Variants in SCUBE2 observed in about 807,000 individuals in gnomAD.
SCUBE2 encodes signal peptide, CUB and EGF-like domain-containing protein 2.
In SCUBE2, 114 loss-of-function variants were observed where a neutral mutation model predicts 125.9. The ratio of observed to expected loss-of-function variants is 0.91; its 90% CI spans 0.78 to 1.06. The LOEUF (loss-of-function observed/expected upper bound fraction) is 1.06, where lower values mean the gene tolerates loss of function less well. Among genes scored for constraint, SCUBE2 ranks in the 50% least tolerant of loss-of-function variants. The probability of loss-of-function intolerance (pLI) is 0.00; values close to 1 mark genes in which losing one functional copy is unlikely to be tolerated. For synonymous variants in SCUBE2, 459 were observed against 492.9 expected, an observed-to-expected ratio of 0.93 and a Z score of 0.91; for missense variants, 1,255 against 1,301.8, an observed-to-expected ratio of 0.96 and a Z score of 0.55.
In SCUBE2 at chr11:9,025,858, C is replaced by T; in HGVS notation, c.2702-4G>A. ...GTTGTCACAGAATTGGATGAAGCTG[C>T]CAAGGGAAGTTGGAGAAGGGTGGGG... On this transcript the variant is annotated splice_polypyrimidine_tract_variant and splice_region_variant and intron_variant, in intron 20 of 22. Transcript: ENST00000649792. The T allele has an allele frequency of 6.2e-7, 1 of 1,613,142 alleles. No individual in the cohort carries two copies. Among genetic ancestry groups the T allele is most frequent in the Non-Finnish European group, 8.5e-7 (1 of 1,179,480 alleles).
At chr11:9,039,003 A>C (rs756607324) in intron 16 of SCUBE2, among the ~76,000 whole-genome samples, 2 of 151,908 alleles carry the variant, frequency 1.3e-5, no homozygotes, top group Admixed American at 6.6e-5. Context: ...CTCCCACCTT[A>C]GACTCCTGAG....
At chr11:9,081,702 G>C (rs994667063) in intron 2 of SCUBE2, among the ~76,000 whole-genome samples, 6 of 151,792 alleles carry the variant, frequency 4.0e-5, no homozygotes, top group African/African-American at 1.5e-4. Flanking sequence ...ATATTATTTT[G>C]TACATAACAC....
intron 9 of SCUBE2, among the ~76,000 whole-genome samples, chr11:9,058,453 G>A (rs904956353): frequency 7.9e-5 from 12 of 151,868 alleles, no homozygotes; most frequent in Admixed American, 2.0e-4. Flanking sequence ...AAAATTAGCC[G>A]GGTGTGATGG....
intron 2 of SCUBE2, 41 bp from the exon 3 acceptor site, chr11:9,079,550 C>G: frequency 6.2e-7 from 1 of 1,602,910 alleles, no homozygotes; most frequent in Non-Finnish European, 8.5e-7. Flanking sequence ...GGTGCTATTT[C>G]TTTGATGTGA....
chr11:9,042,735 G>C (rs1335113035), intron 16 of SCUBE2, among the ~76,000 whole-genome samples: 1 of 152,100 alleles, frequency 6.6e-6, no homozygotes, highest in Non-Finnish European at 1.5e-5. Flanking sequence ...GGGATGTATG[G>C]GAAGCAAGTG....
In SCUBE2 at chr11:9,059,342, T is replaced by C. The variant is rs34039143; in HGVS notation, c.1051A>G (p.Lys351Glu). 5.0e-6 allele frequency: 8 copies of C among 1,614,094 alleles called. No individual in the cohort carries two copies. In the African/African-American group the frequency reaches 1.1e-4, roughly 22 times the overall value. ...TCATCTGTTAATAATTTAAATCCTTTCTTGCAGCCGCAGTCAAAACTGCCC... is the reference window on the plus strand; with the variant it reads ...TCATCTGTTAATAATTTAAATCCTTCCTTGCAGCCGCAGTCAAAACTGCCC... ...IVGSFDCGCK[K>E]GFKLLTDEKS... is the part of the protein sequence containing the mutation. The change falls in exon 9 of 23, where the codon AAA becomes GAA. Residue 351 changes from lysine to glutamate, a missense_variant. Physicochemically the swap from Lys to Glu is moderately conservative, Grantham distance 56. Coordinates refer to ENST00000649792, the MANE Select transcript of SCUBE2 (RefSeq NM_001367977.2).
At chr11:9,025,409 A>G (rs1855636485) in intron 21 of SCUBE2, 1 of 286,830 alleles carries the variant, frequency 3.5e-6, no homozygotes, top group Non-Finnish European at 6.5e-6. Context: ...ATGGTGGCAT[A>G]CACAGTCACA....
chr11:9,072,777 A>G (rs1307114044), intron 4 of SCUBE2, among the ~76,000 whole-genome samples: 1 of 152,216 alleles, frequency 6.6e-6, no homozygotes, highest in Non-Finnish European at 1.5e-5. Context: ...CCAGACAAAA[A>G]TGTTCACTTC....
At chr11:9,078,069 G>A (rs1861345159) in intron 3 of SCUBE2, among the ~76,000 whole-genome samples, 1 of 152,098 alleles carries the variant, frequency 6.6e-6, no homozygotes, top group South Asian at 2.1e-4. Flanking sequence ...CAAGTCAAAG[G>A]GAAATTTCCC....
chr11:9,072,732 A>G (rs1385478601), intron 4 of SCUBE2, among the ~76,000 whole-genome samples: 1 of 152,226 alleles, frequency 6.6e-6, no homozygotes, highest in Non-Finnish European at 1.5e-5. Flanking sequence ...GCACTTCCAG[A>G]CCACAACGCA....
At position 9,079,472 on chromosome 11, in the gene SCUBE2, A is replaced by G. The variant is rs1861462004; in HGVS notation, c.294T>C (p.Cys98=). 8.1e-6 allele frequency: 13 copies of G among 1,613,782 alleles called. No homozygotes were observed. The highest frequency in any genetic ancestry group is 1.3e-5 in the African/African-American group (1 of 74,946). ...CTGGAATATTCAAACAGTCATGGAC[A>G]CAGCCTCCATTGAGCTCATTTCCAC... ...DECGNELNGG[C]VHDCLNIPGN... The change falls in exon 3 of 23, where the codon TGT becomes TGC. Residue 98 remains cysteine, a synonymous_variant. Transcript: ENST00000649792.
rs539764871 is a variant in SCUBE2, at chr11:9,074,463, A to G, written c.517+18T>C. ...CTCAGATGTGGCTCTGCCCCCATCC[A>G]CAGCTGGGCAGAGGTACCTTCCGAG... On this transcript the variant is annotated intron_variant, in intron 4 of 22. Coordinates refer to ENST00000649792, the MANE Select transcript of SCUBE2 (RefSeq NM_001367977.2). The G allele has an allele frequency of 5.8e-5, 93 of 1,613,836 alleles. No individual in the cohort carries two copies. Among genetic ancestry groups the G allele is most frequent in the Non-Finnish European group, 7.5e-5 (89 of 1,179,812 alleles).
intron 2 of SCUBE2, among the ~76,000 whole-genome samples, chr11:9,081,805 A>G (rs1663512337): frequency 6.6e-6 from 1 of 152,236 alleles, no homozygotes; most frequent in African/African-American, 2.4e-5. Flanking sequence ...GCATACGAAT[A>G]TCTCCTCCAG....
At chr11:9,030,630 G>T in intron 18 of SCUBE2, 128 bp downstream of exon 18, 1 of 930,956 alleles carries the variant, frequency 1.1e-6, no homozygotes, top group Non-Finnish European at 1.6e-6. Context: ...GGCGAGTGGA[G>T]CTGGGACCTG....
At chr11:9,063,372 C>T (rs374919732) in intron 7 of SCUBE2, among the ~76,000 whole-genome samples, 2 of 152,296 alleles carry the variant, frequency 1.3e-5, no homozygotes, top group South Asian at 2.1e-4. Context: ...CAATAAGGAA[C>T]ATTATTGTAA....
At chr11:9,058,171 G>A (rs35036945) in intron 9 of SCUBE2, among the ~76,000 whole-genome samples, 85,990 of 151,988 alleles carry the variant, frequency 0.57, 25,871 homozygotes, top group African/African-American at 0.78. Flanking sequence ...ATGGTTTAAA[G>A]CAAGTGCTGG....
At chr11:9,054,488 A>G (rs1472612536) in intron 10 of SCUBE2, among the ~76,000 whole-genome samples, 1 of 151,912 alleles carries the variant, frequency 6.6e-6, no homozygotes, top group Non-Finnish European at 1.5e-5. Context: ...CAGTTGAGGC[A>G]CAGAGAAAGG....
At chr11:9,071,670 C>T (rs764831508) in intron 4 of SCUBE2, among the ~76,000 whole-genome samples, 1 of 152,126 alleles carries the variant, frequency 6.6e-6, no homozygotes, top group African/African-American at 2.4e-5. Flanking sequence ...CTGGTGCACC[C>T]CAAGATCAGG....
rs4061639 is a variant in SCUBE2, at chr11:9,051,229, C to T, written c.1535-519G>A. On this transcript the variant is annotated intron_variant, in intron 13 of 22. Transcript: ENST00000649792. ...ATCTATCTATCTATCTATCTATCTACCTACCTACCTATCTATCTATCTATC... is the reference window on the plus strand; with the variant it reads ...ATCTATCTATCTATCTATCTATCTATCTACCTACCTATCTATCTATCTATC... Among the ~76,000 whole-genome samples, 149 of 109,544 alleles carry T rather than the reference C, an allele frequency of 1.4e-3. 1 individual carries two copies. The highest frequency in any genetic ancestry group is 2.4e-3 in the African/African-American group (74 of 31,082). The allele number at this position is 109,544 out of a possible 152,430, so 71.9% of individuals were successfully genotyped here. A position where few individuals can be genotyped will look rare whatever the true frequency, so the allele number is the denominator to read the frequency against.
Sources: allele counts gnomAD v4.1 joint callset (sites outside exome capture counted in the v4.1 genomes callset), GRCh38; gene constraint gnomAD v4.1.1; transcripts MANE v1.5; gene names NCBI Gene and HGNC (gene_info 2026-07-23, HGNC 2026-07-21).